The following LPP variants were observed in gnomAD, a reference collection of about 807,000 sequenced individuals.
LPP encodes LIM domain containing preferred translocation partner in lipoma.
LPP carries 38 observed loss-of-function variants against 60.4 expected under a neutral mutation model. The observed-to-expected ratio is 0.63, with a 90% CI of 0.49 to 0.83. The LOEUF (loss-of-function observed/expected upper bound fraction) is 0.83, where lower values mean the gene tolerates loss of function less well. LPP is among the 40% of genes least tolerant of loss of function. The pLI, the probability that LPP is intolerant of heterozygous loss-of-function variation, is 0.00. For synonymous variants in LPP, 328 were observed against 290.8 expected (o/e 1.13, Z -1.30); for missense variants, 902 against 783.6 (o/e 1.15, Z -1.80).
chr3:188,159,936 A>C (rs947582226), intron 1 of LPP, among the ~76,000 whole-genome samples: 10 of 152,130 alleles, frequency 6.6e-5, no homozygotes, highest in African/African-American at 2.4e-4. Context: ...GTTTTGAGAC[A>C]CAGTCACACT....
At chr3:188,514,416 G>A (rs576457095) in intron 5 of LPP, among the ~76,000 whole-genome samples, 2 of 150,942 alleles carry the variant, frequency 1.3e-5, no homozygotes, top group South Asian at 4.2e-4. Flanking sequence ...GCTCATCCCT[G>A]TGGCAATTTT....
intron 2 of LPP, among the ~76,000 whole-genome samples, chr3:188,332,056 T>A (rs977336854): frequency 6.6e-5 from 10 of 152,070 alleles, no homozygotes; most frequent in African/African-American, 2.4e-4. Context: ...ATTTCAAGAG[T>A]TCTTCCCTCC....
At chr3:188,679,154 C>T (rs1242100839) in intron 7 of LPP, among the ~76,000 whole-genome samples, 2 of 152,162 alleles carry the variant, frequency 1.3e-5, no homozygotes, top group East Asian at 3.9e-4. Flanking sequence ...GGTCTCCAGT[C>T]ACCCAACAAG....
At chr3:188,613,369 C>T (rs1296297385) in intron 7 of LPP, among the ~76,000 whole-genome samples, 1 of 149,086 alleles carries the variant, frequency 6.7e-6, no homozygotes, top group Non-Finnish European at 1.5e-5. Flanking sequence ...TAAGGTGGCT[C>T]AGCTTGAAAG....
At chr3:188,391,005 G>A (rs746429284) in intron 3 of LPP, among the ~76,000 whole-genome samples, 4 of 152,180 alleles carry the variant, frequency 2.6e-5, no homozygotes, top group African/African-American at 4.8e-5. Context: ...TATCGGGCAT[G>A]TGTGTTATGT....
chr3:188,374,389 A>G (rs1424322059), intron 3 of LPP, among the ~76,000 whole-genome samples: 1 of 152,034 alleles, frequency 6.6e-6, no homozygotes, highest in Non-Finnish European at 1.5e-5. Flanking sequence ...TTCCTTGAGC[A>G]GTGGTTTGTA....
At chr3:188,619,829 A>T (rs529491457) in intron 7 of LPP, among the ~76,000 whole-genome samples, 2 of 152,350 alleles carry the variant, frequency 1.3e-5, no homozygotes, top group East Asian at 3.9e-4. Context: ...AGAAGTTGTG[A>T]CAGTAAGTGG....
intron 7 of LPP, among the ~76,000 whole-genome samples, chr3:188,624,389 T>A (rs1197621837): frequency 6.6e-6 from 1 of 152,226 alleles, no homozygotes; most frequent in Non-Finnish European, 1.5e-5. Context: ...TAATCACATT[T>A]GCCATTTATT....
At chr3:188,529,980 G>A (rs966495351) in intron 6 of LPP, among the ~76,000 whole-genome samples, 53 of 152,346 alleles carry the variant, frequency 3.5e-4, no homozygotes, top group African/African-American at 1.1e-3. Context: ...AGAGGACTGC[G>A]TAGAGCAGGC....
intron 9 of LPP, among the ~76,000 whole-genome samples, chr3:188,771,585 G>A (rs201886461): frequency 3.8e-4 from 28 of 73,016 alleles, no homozygotes; most frequent in African/African-American, 1.3e-3. Flanking sequence ...GAAAGAAAGG[G>A]AGAAAGAAAG....
At chr3:188,868,103 A>AG (rs1403541244) in intron 10 of LPP, among the ~76,000 whole-genome samples, 3 of 152,232 alleles carry the variant, frequency 2.0e-5, no homozygotes, top group Non-Finnish European at 4.4e-5. Flanking sequence ...TGATATTTTT[A>AG]GCTTGTAATT....
intron 8 of LPP, among the ~76,000 whole-genome samples, chr3:188,753,580 C>CGTGTGTGTGTGTGTGT (rs141731350): frequency 2.1e-5 from 3 of 139,560 alleles, no homozygotes; most frequent in Non-Finnish European, 3.1e-5. Context: ...TTGTTGTGTG[C>CGTGTGTGTGTGTGTGT]GTGTGTGTGT....
chr3:188,480,413 C>A (rs952587542), intron 4 of LPP, among the ~76,000 whole-genome samples: 1 of 152,200 alleles, frequency 6.6e-6, no homozygotes, highest in African/African-American at 2.4e-5. Flanking sequence ...AGTGAGAATC[C>A]ATTTCCTGCT....
rs73057610 is a variant in LPP at position 188,217,592 on chromosome 3, A to C, written c.-189-7813A>C. Among the ~76,000 whole-genome samples, 81,319 of 151,878 alleles carry C rather than the reference A, an allele frequency of 0.54. 22,320 individuals carry two copies. The highest frequency in any genetic ancestry group is 0.62 in the African/African-American group (25,768 of 41,390). On this transcript the variant is annotated intron_variant, in intron 1 of 11. Transcript: ENST00000617246. This position sits in a 1 kb window ranked among gnomAD's most constrained non-coding sequence, Gnocchi z 4.0. ...ATGTGGTGGTAACTTTGACTAGGGC[A>C]TAGAAGTTGGGCAGGAGAGGTAAGT...
intron 1 of LPP, among the ~76,000 whole-genome samples, chr3:188,156,143 A>C (rs1312920373): frequency 6.6e-6 from 1 of 152,184 alleles, no homozygotes; most frequent in African/African-American, 2.4e-5. Context: ...AGAGGGGATT[A>C]CCTATTCTGA....
intron 9 of LPP, among the ~76,000 whole-genome samples, chr3:188,823,851 A>G (rs993995796): frequency 6.6e-6 from 1 of 152,102 alleles, no homozygotes; most frequent in Non-Finnish European, 1.5e-5. Flanking sequence ...TGTTAGTCAT[A>G]AACTTTTATA....
At chr3:188,720,179 G>C (rs1356434775) in intron 8 of LPP, among the ~76,000 whole-genome samples, 1 of 152,172 alleles carries the variant, frequency 6.6e-6, no homozygotes. Flanking sequence ...CCAAAGTGTT[G>C]AGATTACAGG....
At chr3:188,474,288 A>G (rs994901492) in intron 4 of LPP, among the ~76,000 whole-genome samples, 2 of 151,076 alleles carry the variant, frequency 1.3e-5, no homozygotes, top group African/African-American at 4.8e-5. Context: ...CAGGTAGGGG[A>G]AACCAATAGT....
At chr3:188,186,188 C>T (rs1039652725) in intron 1 of LPP, among the ~76,000 whole-genome samples, 1 of 152,144 alleles carries the variant, frequency 6.6e-6, no homozygotes, top group Non-Finnish European at 1.5e-5. Context: ...AGCTCCAACC[C>T]CCAGGCCTTG....
Sources: allele counts gnomAD v4.1 joint callset (sites outside exome capture counted in the v4.1 genomes callset), GRCh38; gene constraint gnomAD v4.1.1; non-coding constraint Gnocchi (gnomAD v3.1); transcripts MANE v1.5; gene names NCBI Gene and HGNC (gene_info 2026-07-23, HGNC 2026-07-21).